RASSF4: variants seen among roughly 807,000 people sequenced by gnomAD.
RASSF4 encodes the protein ras association domain-containing protein 4.
A neutral mutation model predicts 41.1 loss-of-function variants in RASSF4; 38 were observed. That is an observed-to-expected ratio of 0.92 (90% CI 0.71 to 1.21). The LOEUF is 1.21. Among genes scored for constraint, RASSF4 ranks in the 50% most tolerant of loss-of-function variants. RASSF4 has a pLI of 0.00. For missense variants in RASSF4, 414 were observed against 419.4 expected, an observed-to-expected ratio of 0.99 and a Z score of 0.11; for synonymous variants, 179 against 163.4, an observed-to-expected ratio of 1.10 and a Z score of -0.73.
At chr10:44,976,008 C>T (rs1195457182) in intron 3 of RASSF4, 1 of 152,180 alleles carries the variant, frequency 6.6e-6, no homozygotes, top group East Asian at 1.9e-4. Context: ...TGGGTGGGCC[C>T]TCTGGATCTC....
intron 6 of RASSF4, among the ~76,000 whole-genome samples, chr10:44,987,118 T>G (rs1451827220): frequency 6.6e-6 from 1 of 152,226 alleles, no homozygotes; most frequent in Non-Finnish European, 1.5e-5. Context: ...GTTTCTTTTT[T>G]TATTTGAGAT....
Position 44,989,722 on chromosome 10 carries a change from G to C in RASSF4, c.685+1G>C, listed in dbSNP as rs756819453. 1.2e-6 allele frequency: 2 copies of C among 1,613,804 alleles called. No individual in the cohort carries two copies. Among genetic ancestry groups the C allele is most frequent in the Admixed American group, 3.3e-5 (2 of 60,020 alleles). ...CTCTACATCGTTCACGAGTCTGGGG[G>C]TAAGTACCTGCCCCACTTCTGGATC... On this transcript the variant is annotated splice_donor_variant, in intron 8 of 10. Transcript: ENST00000340258. LOFTEE classifies it high-confidence loss of function.
intron 6 of RASSF4, among the ~76,000 whole-genome samples, chr10:44,987,229 G>C (rs1439379798): frequency 6.6e-6 from 1 of 152,142 alleles, no homozygotes. Context: ...TTCCTGAGTA[G>C]CTGGGACTAC....
chr10:44,991,825 A>C, intron 9 of RASSF4, 80 bp from the exon 10 acceptor site: 1 of 937,490 alleles, frequency 1.1e-6, no homozygotes, highest in Non-Finnish European at 1.7e-6. Flanking sequence ...TGGATGGGCC[A>C]CTATGGAAGC....
intron 3 of RASSF4, among the ~76,000 whole-genome samples, chr10:44,975,371 C>G (rs1258051971): frequency 6.6e-6 from 1 of 151,982 alleles, no homozygotes; most frequent in Non-Finnish European, 1.5e-5. Flanking sequence ...GCTTCCCAGC[C>G]TGCCCGCTCT....
intron 4 of RASSF4, chr10:44,983,764 T>C (rs1173944103): frequency 1.9e-6 from 1 of 527,084 alleles, no homozygotes; most frequent in African/African-American, 1.9e-5. Context: ...TGTCCGTGTG[T>C]CTGTGCGATG....
At chr10:44,972,380 C>T (rs998925937) in intron 3 of RASSF4, among the ~76,000 whole-genome samples, 2 of 152,230 alleles carry the variant, frequency 1.3e-5, no homozygotes, top group African/African-American at 2.4e-5. Context: ...GGTCTCCACT[C>T]AAGGAGTCAG....
intron 1 of RASSF4, among the ~76,000 whole-genome samples, chr10:44,969,153 C>G (rs1181018292): frequency 2.0e-5 from 3 of 151,204 alleles, no homozygotes; most frequent in African/African-American, 7.3e-5. Flanking sequence ...TGAAGCTTTA[C>G]CTCCCTGCCT....
chr10:44,988,875 G>C (rs1458979538), intron 6 of RASSF4, among the ~76,000 whole-genome samples: 1 of 152,216 alleles, frequency 6.6e-6, no homozygotes, highest in Non-Finnish European at 1.5e-5. Flanking sequence ...GCCTCTACTA[G>C]GCACTGCTGG....
chr10:44,977,496 T>G (rs1485404040), intron 3 of RASSF4: 1 of 1,613,084 alleles, frequency 6.2e-7, no homozygotes, highest in Non-Finnish European at 8.5e-7. Flanking sequence ...TGCCCAAAAG[T>G]CCAGCTTCTT....
chr10:44,991,001 G>A lies in RASSF4; in HGVS notation c.739G>A (p.Gly247Arg), dbSNP rs759956329. 1 of 1,613,736 alleles carries A rather than the reference G, an allele frequency of 6.2e-7. No individual in the cohort carries two copies. Among genetic ancestry groups the A allele is most frequent in the South Asian group, 1.1e-5 (1 of 91,062 alleles). The part of the protein sequence containing the change: ...EYPLISRILH[G>R]PCEKIARIFL... ...CCCGCTGATTTCCAGAATCCTGCAT[G>A]GGCCATGTGAGAAGATCGCCAGGAT... Residue 247 changes from glycine to arginine, a missense_variant, in exon 9 of 11, where the codon GGG becomes AGG. By Grantham distance (125) the Gly-to-Arg change is moderately radical. Transcript: ENST00000340258.
chr10:44,987,931 A>C (rs1841979889), intron 6 of RASSF4, among the ~76,000 whole-genome samples: 1 of 152,152 alleles, frequency 6.6e-6, no homozygotes, highest in African/African-American at 2.4e-5. Flanking sequence ...TCTGGACCTG[A>C]ACTCACAATG....
chr10:44,989,353 C>T lies in RASSF4; in HGVS notation c.611C>T (p.Thr204Ile). The T allele has an allele frequency of 2.5e-6, 4 of 1,612,568 alleles. No homozygotes were observed. Among genetic ancestry groups the T allele is most frequent in the East Asian group, 2.2e-5 (1 of 44,876 alleles). Reference sequence around the variant, plus strand: ...ACCATGACAACCCTGCAGGTGCTCACCCTGCTGCTGAACAAATTTAGGGTA... The same window carrying T: ...ACCATGACAACCCTGCAGGTGCTCATCCTGCTGCTGAACAAATTTAGGGTA... ...NSTMTTLQVL[T>I]LLLNKFRVED... The change falls in exon 7 of 11, where the codon ACC (threonine) becomes ATC (isoleucine). Residue 204 changes from threonine to isoleucine, a missense_variant. By Grantham distance (89) the Thr-to-Ile change is moderately conservative. Coordinates refer to ENST00000340258, the MANE Select transcript of RASSF4 (RefSeq NM_032023.4).
At chr10:44,974,887 T>C (rs1841338410) in intron 3 of RASSF4, among the ~76,000 whole-genome samples, 2 of 152,218 alleles carry the variant, frequency 1.3e-5, no homozygotes, top group Admixed American at 1.3e-4. Context: ...ATTTTGCTTG[T>C]ATTACAACAA....
intron 3 of RASSF4, chr10:44,977,119 T>A (rs1395678324): frequency 2.6e-6 from 1 of 384,184 alleles, no homozygotes; most frequent in African/African-American, 2.0e-5. Context: ...ATATTACCCA[T>A]GAGAAACTGA....
At position 44,993,488 on chromosome 10, in the gene RASSF4, C is replaced by A. The variant is rs1187746135; in HGVS notation, c.*159C>A. The A allele has an allele frequency of 7.9e-6, 5 of 632,346 alleles. No homozygotes were observed. The highest frequency in any genetic ancestry group is 1.1e-5 in the Non-Finnish European group (4 of 358,036). The allele number at this position is 632,346 out of a possible 1,614,324, so 39.2% of individuals were successfully genotyped here. A position where few individuals can be genotyped will look rare whatever the true frequency, so the allele number is the denominator to read the frequency against. On this transcript the variant is annotated 3_prime_UTR_variant, in exon 11 of 11. Coordinates refer to ENST00000340258, the MANE Select transcript of RASSF4 (RefSeq NM_032023.4). ...TGAAGCCTGAGCACCATGATTCCCA[C>A]AGCCAGCTCTTGGCTCCAAGATGAG...
intron 9 of RASSF4, 126 bp downstream of exon 9, chr10:44,991,195 A>G: frequency 1.2e-6 from 1 of 859,310 alleles, no homozygotes; most frequent in Non-Finnish European, 1.7e-6. Context: ...CACTCTCCCA[A>G]AGGGCTCCCA....
intron 3 of RASSF4, chr10:44,982,258 T>C: frequency 1.9e-6 from 1 of 513,812 alleles, no homozygotes; most frequent in Non-Finnish European, 3.4e-6. Flanking sequence ...GCAGCTGGCT[T>C]CCTGTGGGAC....
intron 3 of RASSF4, among the ~76,000 whole-genome samples, chr10:44,974,659 C>G (rs1841324619): frequency 1.3e-5 from 2 of 152,008 alleles, no homozygotes; most frequent in African/African-American, 4.8e-5. Context: ...CCCGCAGCAC[C>G]GGCAGCCTTA....
Sources: gnomAD v4.1 joint callset for allele counts (sites outside exome capture counted in the v4.1 genomes callset) on GRCh38, gnomAD v4.1.1 for gene constraint, MANE v1.5 for transcripts, NCBI Gene and HGNC (gene_info 2026-07-23, HGNC 2026-07-21) for gene names.